The following MEGF6 variants were observed in gnomAD, a reference collection of about 807,000 sequenced individuals.
MEGF6 encodes the protein multiple EGF like domains 6.
A neutral mutation model predicts 207.1 loss-of-function variants in MEGF6; 184 were observed. The observed-to-expected ratio is 0.89, with a 90% CI of 0.79 to 1.00. The LOEUF (loss-of-function observed/expected upper bound fraction) is 1.00, where lower values mean the gene tolerates loss of function less well. Among genes scored for constraint, MEGF6 ranks in the 50% least tolerant of loss-of-function variants. The pLI, the probability that MEGF6 is intolerant of heterozygous loss-of-function variation, is 0.00. For synonymous variants in MEGF6, 1,038 were observed against 910.0 expected, an observed-to-expected ratio of 1.14 and a Z score of -2.53; for missense variants, 2,282 against 2,202.9, an observed-to-expected ratio of 1.04 and a Z score of -0.72.
At chr1:3,536,456 TCCCTC>T (rs975848414) in intron 4 of MEGF6, among the ~76,000 whole-genome samples, 7 of 152,140 alleles carry the variant, frequency 4.6e-5, no homozygotes, top group African/African-American at 1.4e-4. Flanking sequence ...CTCTGGGCCG[TCCCTC>T]CTGCTAGGCT....
rs1640423383 is a variant in MEGF6 at position 3,492,721 on chromosome 1, G to A, written c.4434C>T (p.Asp1478=). The change falls in exon 35 of 37, where the codon GAC becomes GAT. Residue 1478 remains aspartate, a synonymous_variant. Transcript: ENST00000356575. The part of the protein sequence containing the change: ...QFGPSCTLHC[D]CGGGADCDPV... ...GGTCGCAGTCAGCCCCACCCCCGCA[G>A]TCACAGTGCAGGGTGCAGCTGGGCC... 4 of 1,612,516 alleles carry A rather than the reference G, an allele frequency of 2.5e-6. No homozygotes were observed. Among genetic ancestry groups the A allele is most frequent in the Non-Finnish European group, 3.4e-6 (4 of 1,179,868 alleles).
upstream of MEGF6, among the ~76,000 whole-genome samples, chr1:3,615,059 C>T (rs1644366477): frequency 6.6e-6 from 1 of 152,264 alleles, no homozygotes. Flanking sequence ...CTCCCCACTA[C>T]TCTCATCTTT....
At chr1:3,497,625 C>T in intron 26 of MEGF6, 1 of 653,512 alleles carries the variant, frequency 1.5e-6, no homozygotes, top group Non-Finnish European at 2.8e-6. Flanking sequence ...GCACAGGCTG[C>T]AGGGACGAGA....
intron 21 of MEGF6, 136 bp from the exon 22 acceptor site, chr1:3,500,060 C>G: frequency 7.7e-7 from 1 of 1,300,138 alleles, no homozygotes; most frequent in Non-Finnish European, 1.0e-6. Context: ...CCAAGGGAGA[C>G]TGGGCTCACT....
At chr1:3,524,992 C>A (rs1641907666) in intron 4 of MEGF6, among the ~76,000 whole-genome samples, 1 of 152,172 alleles carries the variant, frequency 6.6e-6, no homozygotes, top group Non-Finnish European at 1.5e-5. Flanking sequence ...CCCGCGGACA[C>A]CTTGGGTTCA....
rs199846657 is a variant in MEGF6, at chr1:3,495,919, G to A, written c.3842C>T (p.Pro1281Leu). ...DPVTGTCLCPPGRAGVRCERG... is the reference protein window; with the variant it reads ...DPVTGTCLCPLGRAGVRCERG... ...CTCACAGCGGACGCCGGCTCTCCCC[G>A]GGGGGCAGAGGCAGGTGCCGGTCAC... The change falls in exon 30 of 37, where the codon CCG (proline) becomes CTG (leucine). Residue 1281 changes from proline (P) to leucine (L), a missense_variant. Pro to Leu is a moderately conservative substitution (Grantham distance 98). Transcript: ENST00000356575. 9.2e-5 allele frequency: 147 copies of A among 1,596,774 alleles called. 1 individual carries two copies. In the Admixed American group the frequency reaches 1.6e-3, roughly 17 times the overall value.
Position 3,560,832 on chromosome 1 carries a change from G to T in MEGF6, c.481+18993C>A. The T allele has an allele frequency of 2.2e-6, 1 of 450,748 alleles. No homozygotes were observed. The highest frequency in any genetic ancestry group is 4.5e-6 in the Non-Finnish European group (1 of 221,242). 27.9% of individuals were successfully genotyped at this position (450,748 alleles called of 1,614,324 possible). Reference sequence around the variant, plus strand: ...GCAGCCAGGAACAGCCTCAGGCGTCGGCCGCGAGGGGGTTGCTGGGCTGGC... The same window carrying T: ...GCAGCCAGGAACAGCCTCAGGCGTCTGCCGCGAGGGGGTTGCTGGGCTGGC... On this transcript the variant is annotated intron_variant, in intron 4 of 36. Transcript: ENST00000356575. This position sits in a 1 kb window ranked among gnomAD's most constrained non-coding sequence, Gnocchi z 4.0.
chr1:3,586,649 G>A (rs927307182), intron 3 of MEGF6, among the ~76,000 whole-genome samples: 2 of 152,200 alleles, frequency 1.3e-5, no homozygotes, highest in African/African-American at 4.8e-5. Context: ...TTCCCACGCT[G>A]GGACTCGGGG....
chr1:3,521,561 G>A (rs1641747517), intron 5 of MEGF6, among the ~76,000 whole-genome samples: 1 of 152,310 alleles, frequency 6.6e-6, no homozygotes, highest in South Asian at 2.1e-4. Flanking sequence ...GAAGCGGCTT[G>A]AGACGGTGAG....
intron 14 of MEGF6, 88 bp downstream of exon 14, chr1:3,507,707 A>G: frequency 6.4e-7 from 1 of 1,553,022 alleles, no homozygotes; most frequent in Admixed American, 1.7e-5. Flanking sequence ...GGGAGGAAGG[A>G]GACAAGGAGG....
In MEGF6 at chr1:3,498,477, T is replaced by G; in HGVS notation, c.3246A>C (p.Arg1082Ser). The change falls in exon 26 of 37, where the codon AGA becomes AGC. Residue 1082 changes from arginine to serine, a missense_variant. Coordinates refer to ENST00000356575, the MANE Select transcript of MEGF6 (RefSeq NM_001409.4). ...CEKECLPRDV[R>S]AGCRHSGGCL... ...AACCGCCGCTGTGCCGGCAGCCAGC[T>G]CTGACGTCCCGGGGGAGGCACTCTA... 3.2e-6 allele frequency: 5 copies of G among 1,581,974 alleles called. No homozygotes were observed. The highest frequency in any genetic ancestry group is 4.3e-6 in the Non-Finnish European group (5 of 1,166,120).
intron 4 of MEGF6, chr1:3,547,186 C>T (rs926574160): frequency 6.5e-6 from 1 of 152,760 alleles, no homozygotes; most frequent in African/African-American, 2.4e-5. Flanking sequence ...CAGCCTCGGC[C>T]CACCCGAGGC....
In MEGF6 at chr1:3,496,773, G is replaced by C. The variant is rs375129296; in HGVS notation, c.3624C>G (p.Pro1208=). ...GTTCACAGCCTGGCCCATACCGCCC[G>C]GGCGGACATCCTGCAGGGAGAGGGG... The part of the protein sequence containing the change: ...HGPSCQQRCP[P]GRYGPGCEQL... Residue 1208 remains proline (P), a synonymous_variant, in exon 29 of 37, where the codon CCC becomes CCG. Coordinates refer to ENST00000356575, the MANE Select transcript of MEGF6 (RefSeq NM_001409.4). The C allele has an allele frequency of 8.3e-6, 13 of 1,557,298 alleles. No homozygotes were observed. In the African/African-American group the frequency reaches 1.6e-4, roughly 20 times the overall value.
At chr1:3,497,157 C>A in intron 27 of MEGF6, 38 bp from the exon 28 acceptor site, 2 of 1,545,610 alleles carry the variant, frequency 1.3e-6, no homozygotes, top group Non-Finnish European at 1.7e-6. Context: ...TGGCCCAGCC[C>A]CGCCAAGGAA....
intron 4 of MEGF6, among the ~76,000 whole-genome samples, chr1:3,550,341 C>T (rs759388073): frequency 1.9e-4 from 29 of 152,150 alleles, no homozygotes; most frequent in African/African-American, 6.0e-4. Context: ...CCTCAAACCT[C>T]GTGCTGTGTG....
At chr1:3,546,751 T>C (rs1157680383) in intron 4 of MEGF6, among the ~76,000 whole-genome samples, 1 of 101,742 alleles carries the variant, frequency 9.8e-6, no homozygotes, top group Non-Finnish European at 1.9e-5. Context: ...GGAAGGAGGG[T>C]GCCAGGGAGG....
rs57713922 is a variant in MEGF6, at chr1:3,538,745, T to TGTGTGTGTGTGA, written c.482-14500_482-14499insTCACACACACAC. On this transcript the variant is annotated intron_variant, in intron 4 of 36. Transcript: ENST00000356575. ...GTGTGTGTGTGTGTGTGTGTGTGTGTCCGCGCTGTCTGTGGGTTCTCTGTT... is the reference window on the plus strand; with the variant it reads ...GTGTGTGTGTGTGTGTGTGTGTGTGTGTGTGTGTGTGACCGCGCTGTCTGTGGGTTCTCTGTT... Among the ~76,000 whole-genome samples the TGTGTGTGTGTGA allele has an allele frequency of 8.4e-4, 106 of 126,502 alleles. 3 individuals carry two copies. The East Asian group carries it at 9.6e-3, about 11-fold the overall frequency. The allele number at this position is 126,502 out of a possible 152,430, so 83.0% of individuals were successfully genotyped here.
Position 3,511,797 on chromosome 1 carries a change from C to T in MEGF6, c.977-110G>A, listed in dbSNP as rs984576999. Reference sequence around the variant, plus strand: ...AGCCAGCCTCGGGCCTGGGGACACCCGTGGGAAGCAGCAACATGGAGCTCC... The same window carrying T: ...AGCCAGCCTCGGGCCTGGGGACACCTGTGGGAAGCAGCAACATGGAGCTCC... On this transcript the variant is annotated intron_variant, in intron 8 of 36. Coordinates refer to ENST00000356575, the MANE Select transcript of MEGF6 (RefSeq NM_001409.4). 1.9e-5 allele frequency: 29 copies of T among 1,501,964 alleles called. No homozygotes were observed. The African/African-American group carries it at 2.2e-4, about 11-fold the overall frequency. 93.0% of individuals were successfully genotyped at this position (1,501,964 alleles called of 1,614,324 possible).
At chr1:3,603,767 C>A (rs2794356) in intron 1 of MEGF6, among the ~76,000 whole-genome samples, 135,417 of 150,574 alleles carry the variant, frequency 0.9, 61,372 homozygotes, top group East Asian at 0.98. Context: ...CCTAACCAGC[C>A]GCCGCCCCGT....
Sources: gnomAD v4.1 joint callset for allele counts (sites outside exome capture counted in the v4.1 genomes callset) on GRCh38, gnomAD v4.1.1 for gene constraint, Gnocchi (gnomAD v3.1) non-coding constraint, MANE v1.5 for transcripts, NCBI Gene and HGNC (gene_info 2026-07-23, HGNC 2026-07-21) for gene names.